The following NLGN1 variants were observed in gnomAD, a reference collection of about 807,000 sequenced individuals.
The protein encoded by NLGN1 is neuroligin 1, also known as neuroligin-1.
A neutral mutation model predicts 65.5 loss-of-function variants in NLGN1; 12 were observed. The observed-to-expected ratio is 0.18, with a 90% CI of 0.12 to 0.30. The LOEUF (loss-of-function observed/expected upper bound fraction) is 0.30, where lower values mean the gene tolerates loss of function less well. NLGN1 is among the 10% of genes least tolerant of loss of function. NLGN1 has a pLI of 1.00. For missense variants in NLGN1, 750 were observed against 1,007.1 expected (o/e 0.74, Z 3.46); for synonymous variants, 350 against 359.5 (o/e 0.97, Z 0.30).
chr3:173,599,362 C>A (rs763957263), intron 2 of NLGN1, among the ~76,000 whole-genome samples: 6 of 152,134 alleles, frequency 3.9e-5, no homozygotes, highest in Non-Finnish European at 7.4e-5. Flanking sequence ...ATCTCAGACT[C>A]TGGCTTCTTT....
chr3:173,753,486 A>G (rs1447534881), intron 3 of NLGN1, among the ~76,000 whole-genome samples: 1 of 152,112 alleles, frequency 6.6e-6, no homozygotes, highest in Non-Finnish European at 1.5e-5. Context: ...TATGTTGGCT[A>G]TACCTTCAAA....
rs181763710 is a variant in NLGN1 at position 173,821,409 on chromosome 3, T to G, written c.646+13577T>G. Among the ~76,000 whole-genome samples, 483 of 152,300 alleles carry G rather than the reference T, an allele frequency of 3.2e-3. 1 individual carries two copies. Among genetic ancestry groups the G allele is most frequent in the Non-Finnish European group, 3.5e-3 (238 of 67,984 alleles). On this transcript the variant is annotated intron_variant, in intron 4 of 6. Coordinates refer to ENST00000457714, the Ensembl canonical transcript of NLGN1. Reference sequence around the variant, plus strand: ...TGACAGGAATAAGAGATGAGTTTATTCCTATGTTATTTAATTATGCTAGAA... The same window carrying G: ...TGACAGGAATAAGAGATGAGTTTATGCCTATGTTATTTAATTATGCTAGAA...
intron 3 of NLGN1, among the ~76,000 whole-genome samples, chr3:173,803,456 A>G (rs1168608244): frequency 1.3e-5 from 2 of 152,142 alleles, no homozygotes; most frequent in East Asian, 3.9e-4. Flanking sequence ...AAAAATAAAA[A>G]AATGAGCCCA....
At chr3:174,260,130 T>C (rs1746590009) in intron 4 of NLGN1, among the ~76,000 whole-genome samples, 1 of 151,874 alleles carries the variant, frequency 6.6e-6, no homozygotes, top group Non-Finnish European at 1.5e-5. Context: ...TTGTGAATAA[T>C]GCCGCAATAA....
intron 4 of NLGN1, among the ~76,000 whole-genome samples, chr3:174,107,502 G>A (rs528043428): frequency 1.3e-5 from 2 of 152,210 alleles, no homozygotes; most frequent in African/African-American, 4.8e-5. Context: ...GGATTCCATA[G>A]AATGATGTAC....
At chr3:173,896,869 A>G (rs1488242616) in intron 4 of NLGN1, among the ~76,000 whole-genome samples, 2 of 152,156 alleles carry the variant, frequency 1.3e-5, no homozygotes, top group African/African-American at 4.8e-5. Context: ...TCATTCAAAT[A>G]AATTGTCTCT....
At chr3:173,437,608 G>C (rs1395908608) in intron 2 of NLGN1, among the ~76,000 whole-genome samples, 1 of 152,114 alleles carries the variant, frequency 6.6e-6, no homozygotes, top group East Asian at 1.9e-4. Flanking sequence ...TAGCTTAGTG[G>C]ACTTGATTTC....
intron 4 of NLGN1, among the ~76,000 whole-genome samples, chr3:173,953,220 A>G (rs1403983203): frequency 1.3e-5 from 2 of 152,328 alleles, no homozygotes; most frequent in African/African-American, 4.8e-5. Context: ...ACTGTCAGAG[A>G]AAAGAATTCA....
At chr3:173,795,787 C>T (rs1423904675) in intron 3 of NLGN1, among the ~76,000 whole-genome samples, 2 of 152,110 alleles carry the variant, frequency 1.3e-5, no homozygotes, top group Admixed American at 1.3e-4. Flanking sequence ...CAAGAGAATA[C>T]ATCCTTGAGA....
chr3:174,070,619 C>T (rs899157072), intron 4 of NLGN1, among the ~76,000 whole-genome samples: 6 of 152,046 alleles, frequency 3.9e-5, no homozygotes, highest in African/African-American at 1.2e-4. Flanking sequence ...TGTGAGCCAC[C>T]GCGCCCGGCC....
intron 2 of NLGN1, chr3:173,584,910 T>C (rs530548276): frequency 6.6e-6 from 1 of 152,246 alleles, no homozygotes; most frequent in African/African-American, 2.4e-5. Flanking sequence ...TAGAAACTGG[T>C]AAATACTTGG....
intron 4 of NLGN1, chr3:174,136,347 A>T (rs939404286): frequency 9.2e-5 from 14 of 152,176 alleles, no homozygotes; most frequent in African/African-American, 3.4e-4. Flanking sequence ...GCCTGTTTCC[A>T]TGACCCTATC....
Position 173,524,077 on chromosome 3 carries a change from C to T in NLGN1, c.-320-80202C>T, listed in dbSNP as rs923224107. On this transcript the variant is annotated intron_variant, in intron 2 of 6. Transcript: ENST00000457714. ...CTGGGACTACAGGCACCCGCCACCA[C>T]GCTCAGCTAATTTTTTTTTTTTGTA... Among the ~76,000 whole-genome samples, 13 of 150,118 alleles carry T rather than the reference C, an allele frequency of 8.7e-5. 1 individual carries two copies. The highest frequency in any genetic ancestry group is 1.2e-4 in the African/African-American group (5 of 41,102).
In NLGN1 at chr3:173,720,955, G is replaced by A. The variant is rs370446317; in HGVS notation, c.494-86725G>A. On this transcript the variant is annotated intron_variant, in intron 3 of 6. Coordinates refer to ENST00000457714, the Ensembl canonical transcript of NLGN1. ...TGGAGAGGAAGACTACCGTGGTCTT[G>A]AAGAATGAATAAGAGGTAGCTGATC... Among the ~76,000 whole-genome samples the A allele has an allele frequency of 8.5e-5, 13 of 152,194 alleles. 1 individual carries two copies. In the East Asian group the frequency reaches 1.5e-3, roughly 18 times the overall value.
chr3:174,171,490 C>T (rs1235850892), intron 4 of NLGN1, among the ~76,000 whole-genome samples: 1 of 152,044 alleles, frequency 6.6e-6, no homozygotes, highest in Non-Finnish European at 1.5e-5. Context: ...AAAACATGAT[C>T]TAGAATATGA....
chr3:173,982,670 G>A (rs1365694950), intron 4 of NLGN1, among the ~76,000 whole-genome samples: 1 of 152,144 alleles, frequency 6.6e-6, no homozygotes, highest in Non-Finnish European at 1.5e-5. Context: ...GTCAATTTCT[G>A]AGTCAAACTT....
chr3:173,494,173 G>A (rs1353848127), intron 2 of NLGN1, among the ~76,000 whole-genome samples: 5 of 150,524 alleles, frequency 3.3e-5, no homozygotes, highest in Non-Finnish European at 7.4e-5. Flanking sequence ...GGGGAGTGGT[G>A]GTGGTGGTGT....
At chr3:173,747,570 C>T (rs1775659467) in intron 3 of NLGN1, among the ~76,000 whole-genome samples, 1 of 150,046 alleles carries the variant, frequency 6.7e-6, no homozygotes, top group Non-Finnish European at 1.5e-5. Flanking sequence ...TATATTTTTT[C>T]TTCGCAATCT....
At chr3:173,941,108 C>T (rs1232425410) in intron 4 of NLGN1, among the ~76,000 whole-genome samples, 17 of 152,138 alleles carry the variant, frequency 1.1e-4, no homozygotes, top group Admixed American at 1.1e-3. Context: ...TGTGTAAACT[C>T]TTTGAGAGTG....
Sources: allele counts gnomAD v4.1 joint callset (sites outside exome capture counted in the v4.1 genomes callset), GRCh38; gene constraint gnomAD v4.1.1; transcripts MANE v1.5; gene names NCBI Gene and HGNC (gene_info 2026-07-23, HGNC 2026-07-21).